ADGRL2: variants seen among roughly 807,000 people sequenced by gnomAD.
ADGRL2 encodes the protein calcium-independent alpha-latrotoxin receptor 2.
ADGRL2 carries 44 observed loss-of-function variants against 157.4 expected under a neutral mutation model. The observed-to-expected ratio is 0.28, with a 90% CI of 0.22 to 0.36. ADGRL2 has a LOEUF of 0.36. ADGRL2 is among the 10% of genes least tolerant of loss of function. The probability of loss-of-function intolerance (pLI) is 1.00; values close to 1 mark genes in which losing one functional copy is unlikely to be tolerated. For missense variants in ADGRL2, 1,510 were observed against 1,768.9 expected (o/e 0.85, Z 2.63); for synonymous variants, 585 against 624.7 (o/e 0.94, Z 0.95).
chr1:81,446,002 C>T (rs766613711), intron 2 of ADGRL2, among the ~76,000 whole-genome samples: 11 of 152,216 alleles, frequency 7.2e-5, no homozygotes, highest in Non-Finnish European at 1.6e-4. Context: ...CCTCACCTTA[C>T]TTGCTTCAGG....
intron 2 of ADGRL2, among the ~76,000 whole-genome samples, chr1:81,848,650 A>T (rs891559891): frequency 1.3e-5 from 2 of 151,954 alleles, no homozygotes; most frequent in Admixed American, 1.3e-4. Flanking sequence ...AACTATGTTA[A>T]GATTTGTTTT....
rs998618896 is a variant in ADGRL2 at position 81,916,993 on chromosome 1, A to G, written c.287+9763A>G. Among the ~76,000 whole-genome samples the G allele has an allele frequency of 1.1e-3, 167 of 151,766 alleles. 2 individuals carry two copies. Among genetic ancestry groups the G allele is most frequent in the African/African-American group, 3.9e-3 (160 of 41,442 alleles). On this transcript the variant is annotated intron_variant, in intron 3 of 23. Coordinates refer to ENST00000686636, the MANE Select transcript of ADGRL2 (RefSeq NM_001366006.2). ...AGAGAGAAAAAAAAAATACATATAT[A>G]TGTCTTTTTTTTTCTTTTTGTGGGG...
At chr1:81,679,735 G>C (rs2083070262) in intron 3 of ADGRL2, among the ~76,000 whole-genome samples, 1 of 152,094 alleles carries the variant, frequency 6.6e-6, no homozygotes, top group Non-Finnish European at 1.5e-5. Context: ...GTTTAAACAA[G>C]AAATATTTGT....
intron 1 of ADGRL2, among the ~76,000 whole-genome samples, chr1:81,414,647 G>A (rs1023011494): frequency 6.6e-6 from 1 of 152,156 alleles, no homozygotes; most frequent in South Asian, 2.1e-4. Context: ...CTCCGAACGT[G>A]CTCTTTGGAG....
At chr1:81,336,887 A>T (rs1403725219) in intron 1 of ADGRL2, among the ~76,000 whole-genome samples, 1 of 152,066 alleles carries the variant, frequency 6.6e-6, no homozygotes, top group Non-Finnish European at 1.5e-5. Context: ...CCCATCTTGT[A>T]CCCATGAAAA....
upstream of ADGRL2, among the ~76,000 whole-genome samples, chr1:81,796,762 T>G (rs1448142703): frequency 6.6e-6 from 1 of 152,234 alleles, no homozygotes; most frequent in Non-Finnish European, 1.5e-5. Context: ...TTCGTGATTA[T>G]ATACTTCTAA....
chr1:81,537,068 A>G (rs2079757008), intron 2 of ADGRL2, among the ~76,000 whole-genome samples: 1 of 152,220 alleles, frequency 6.6e-6, no homozygotes, highest in South Asian at 2.1e-4. Flanking sequence ...TGTTAAATAC[A>G]CAAAACATTT....
intron 1 of ADGRL2, among the ~76,000 whole-genome samples, chr1:81,340,990 C>T (rs1000318192): frequency 6.6e-6 from 1 of 151,738 alleles, no homozygotes; most frequent in Non-Finnish European, 1.5e-5. Context: ...ATGCACTGCT[C>T]TTATTTTATT....
chr1:81,762,735 G>C (rs1037075381), intron 2 of ADGRL2, among the ~76,000 whole-genome samples: 1 of 152,006 alleles, frequency 6.6e-6, no homozygotes, highest in African/African-American at 2.4e-5. Context: ...AGAGAGACTT[G>C]GCAGTATATC....
chr1:81,653,637 T>C (rs1201593759), intron 3 of ADGRL2, among the ~76,000 whole-genome samples: 3 of 152,200 alleles, frequency 2.0e-5, no homozygotes, highest in African/African-American at 4.8e-5. Flanking sequence ...GAAAAAAATA[T>C]AATTTCTATT....
intron 3 of ADGRL2, among the ~76,000 whole-genome samples, chr1:81,656,687 A>G (rs1228373796): frequency 6.6e-6 from 1 of 152,152 alleles, no homozygotes; most frequent in Non-Finnish European, 1.5e-5. Context: ...GCATCCTGAG[A>G]TATTCTGTCA....
intron 20 of ADGRL2, 91 bp downstream of exon 20, chr1:81,984,802 C>T: frequency 7.4e-7 from 1 of 1,346,020 alleles, no homozygotes; most frequent in Non-Finnish European, 1.0e-6. Context: ...ATTGTCTTCT[C>T]ATTATAATGA....
chr1:81,405,744 A>G (rs2076843125), intron 1 of ADGRL2, among the ~76,000 whole-genome samples: 2 of 152,128 alleles, frequency 1.3e-5, no homozygotes, highest in African/African-American at 4.8e-5. Flanking sequence ...CTTATTTTCC[A>G]ACAAGTTTAA....
intron 2 of ADGRL2, among the ~76,000 whole-genome samples, chr1:81,456,332 T>C (rs1211651530): frequency 6.6e-6 from 1 of 152,100 alleles, no homozygotes; most frequent in Admixed American, 6.5e-5. Context: ...TGATGCTCCA[T>C]CTCAGCCTTC....
At chr1:81,503,492 T>G (rs2078900593) in intron 2 of ADGRL2, 4 of 1,609,100 alleles carry the variant, frequency 2.5e-6, no homozygotes, top group Admixed American at 1.7e-5. Flanking sequence ...AGCTTTCCAC[T>G]TGCCACTCTC....
intron 2 of ADGRL2, among the ~76,000 whole-genome samples, chr1:81,546,430 T>C (rs1570456595): frequency 6.6e-6 from 1 of 152,204 alleles, no homozygotes; most frequent in East Asian, 1.9e-4. Context: ...TTAGTCAAAA[T>C]ACCCTGTGAT....
chr1:81,836,272 G>A (rs779538205), intron 1 of ADGRL2, among the ~76,000 whole-genome samples: 1 of 151,978 alleles, frequency 6.6e-6, no homozygotes, highest in Non-Finnish European at 1.5e-5. Context: ...AATAGGAAAC[G>A]AACATGAAGA....
chr1:81,521,953 T>C (rs1362493129), intron 2 of ADGRL2, among the ~76,000 whole-genome samples: 2 of 150,082 alleles, frequency 1.3e-5, no homozygotes, highest in African/African-American at 2.5e-5. Flanking sequence ...ACTTGTATAA[T>C]AAATGTACTT....
chr1:81,506,788 G>T (rs1328191483), intron 2 of ADGRL2, among the ~76,000 whole-genome samples: 1 of 152,052 alleles, frequency 6.6e-6, no homozygotes, highest in Admixed American at 6.6e-5. Flanking sequence ...GTTACCAAAG[G>T]CCCTGTTAAC....
Sources: allele counts gnomAD v4.1 joint callset (sites outside exome capture counted in the v4.1 genomes callset), GRCh38; gene constraint gnomAD v4.1.1; transcripts MANE v1.5; gene names NCBI Gene and HGNC (gene_info 2026-07-23, HGNC 2026-07-21).